The following ZNF106 variants were observed in gnomAD, a reference collection of about 807,000 sequenced individuals.
ZNF106 encodes the protein SH3-domain binding protein 3.
A neutral mutation model predicts 195.1 loss-of-function variants in ZNF106; 67 were observed. The observed-to-expected ratio is 0.34, with a 90% CI of 0.28 to 0.42. The LOEUF is 0.42. ZNF106 is among the 10% of genes least tolerant of loss of function. The pLI is 1.00. For synonymous variants in ZNF106, 784 were observed against 818.6 expected, an observed-to-expected ratio of 0.96 and a Z score of 0.72; for missense variants, 2,118 against 2,304.5, an observed-to-expected ratio of 0.92 and a Z score of 1.66.
chr15:42,435,506 T>C lies in ZNF106; in HGVS notation c.4759A>G (p.Ile1587Val). The C allele has an allele frequency of 6.2e-7, 1 of 1,614,178 alleles. No individual in the cohort carries two copies. The highest frequency in any genetic ancestry group is 1.3e-5 in the African/African-American group (1 of 75,026). ...GAGGTATGACCCTCAAAGACACCAA[T>C]ACATTTCCGACTCTAAAGTTTAAGC... ...RVYNLVSRKC[I>V]GVFEGHTSKV... The change falls in exon 14 of 22, where the codon ATT becomes GTT. Residue 1587 changes from isoleucine (I) to valine (V), a missense_variant. Ile to Val is a conservative substitution (Grantham distance 29, BLOSUM62 3). Transcript: ENST00000564754.
intron 1 of ZNF106, among the ~76,000 whole-genome samples, chr15:42,474,029 C>A (rs2056733194): frequency 6.6e-6 from 1 of 152,126 alleles, no homozygotes; most frequent in South Asian, 2.1e-4. Flanking sequence ...AAACAACAAG[C>A]AGGACCAACT....
At chr15:42,419,639 G>A (rs923871175) in intron 20 of ZNF106, among the ~76,000 whole-genome samples, 1 of 151,954 alleles carries the variant, frequency 6.6e-6, no homozygotes, top group Non-Finnish European at 1.5e-5. Flanking sequence ...ATTCTAATTC[G>A]AACACATGTT....
At chr15:42,429,256 C>A (rs1414887348) in intron 14 of ZNF106, among the ~76,000 whole-genome samples, 2 of 151,110 alleles carry the variant, frequency 1.3e-5, no homozygotes, top group South Asian at 2.1e-4. Context: ...CTGGCTAACA[C>A]GGTGAAACCC....
chr15:42,486,299 A>G (rs1595502905), intron 1 of ZNF106, among the ~76,000 whole-genome samples: 1 of 149,014 alleles, frequency 6.7e-6, no homozygotes, highest in Non-Finnish European at 1.5e-5. Flanking sequence ...TTGTTCTATC[A>G]CCTGGGGTAG....
At chr15:42,472,419 T>C in intron 1 of ZNF106, 98 bp from the exon 2 acceptor site, 1 of 784,412 alleles carries the variant, frequency 1.3e-6, no homozygotes, top group Non-Finnish European at 2.0e-6. Context: ...CTTCCTCACC[T>C]CCACCTTGCT....
chr15:42,467,429 C>G (rs1471160123), intron 2 of ZNF106, among the ~76,000 whole-genome samples: 1 of 152,168 alleles, frequency 6.6e-6, no homozygotes, highest in Non-Finnish European at 1.5e-5. Context: ...CTCATTCATT[C>G]ACCAAATATT....
In ZNF106 at chr15:42,451,745, T is replaced by C; in HGVS notation, c.527A>G (p.Asn176Ser). The change falls in exon 5 of 22, where the codon AAT (asparagine) becomes AGT (serine). Residue 176 changes from asparagine (N) to serine (S), a missense_variant. Coordinates refer to ENST00000564754, the MANE Select transcript of ZNF106 (RefSeq NM_001366845.3). The stretch of plus-strand genomic sequence containing the variant: ...GGAACGTCCTCTTGGTCCACCACCA[T>C]TCCTCAAAGAATGTGGAAAGCTGTT... Reference protein sequence around the residue: ...RKNSFPHSLRNGGGPRGRSGW... With the variant: ...RKNSFPHSLRSGGGPRGRSGW... 6.2e-7 allele frequency: 1 copy of C among 1,614,240 alleles called. No homozygotes were observed. The highest frequency in any genetic ancestry group is 8.5e-7 in the Non-Finnish European group (1 of 1,180,044).
chr15:42,449,661 T>C (rs556952899), intron 5 of ZNF106, 110 bp downstream of exon 5: 1 of 1,399,108 alleles, frequency 7.1e-7, no homozygotes, highest in African/African-American at 1.4e-5. Context: ...CAACAGATAT[T>C]GTTGGCAAAC....
At chr15:42,490,175 A>AGC (rs1268626025) in intron 1 of ZNF106, among the ~76,000 whole-genome samples, 1 of 152,086 alleles carries the variant, frequency 6.6e-6, no homozygotes, top group East Asian at 1.9e-4. Context: ...GGTTGCAGTG[A>AGC]GCTAAGATCG....
intron 10 of ZNF106, among the ~76,000 whole-genome samples, chr15:42,440,920 T>TC: frequency 7.2e-6 from 1 of 139,142 alleles, no homozygotes. Flanking sequence ...GAGGCAGAGG[T>TC]TGCCGTGAGC....
rs751868029 is a variant in ZNF106, at chr15:42,451,066, G to A, written c.1206C>T (p.Leu402=). ...CTGTAGTTATCAAGCTAAAATCAAA[G>A]AGAGGTTTCTCTATCATTTCTGACT... is the stretch of plus-strand genomic sequence containing the variant. ...GNKSEMIEKP[L]FDFSLITTGI... The change falls in exon 5 of 22, where the codon CTC becomes CTT. Residue 402 remains leucine, a synonymous_variant. Transcript: ENST00000564754. The A allele has an allele frequency of 2.5e-6, 4 of 1,614,206 alleles. No homozygotes were observed. The East Asian group carries it at 8.9e-5, about 36-fold the overall frequency.
intron 3 of ZNF106, among the ~76,000 whole-genome samples, chr15:42,461,013 A>C (rs1431435394): frequency 6.6e-6 from 1 of 152,206 alleles, no homozygotes; most frequent in Non-Finnish European, 1.5e-5. Flanking sequence ...AAACTTCAAA[A>C]AGTGTGTAGG....
chr15:42,436,949 G>A (rs561222656), intron 13 of ZNF106, among the ~76,000 whole-genome samples: 6 of 152,294 alleles, frequency 3.9e-5, no homozygotes, highest in Non-Finnish European at 5.9e-5. Flanking sequence ...GTGCTGGTGG[G>A]AGGGAAAAAG....
At position 42,448,668 on chromosome 15, in the gene ZNF106, G is replaced by T; in HGVS notation, c.2539C>A (p.Gln847Lys). Residue 847 changes from glutamine to lysine, a missense_variant, in exon 6 of 22, where the codon CAA becomes AAA. Physicochemically the swap from Gln to Lys is moderately conservative, Grantham distance 53. Coordinates refer to ENST00000564754, the MANE Select transcript of ZNF106 (RefSeq NM_001366845.3). Reference protein sequence around the residue: ...IEMVPLVQNEQEALDLDGEPD... With the variant: ...IEMVPLVQNEKEALDLDGEPD... The stretch of plus-strand genomic sequence containing the variant: ...TCCCCATCCAAATCTAAGGCTTCTT[G>T]TTCATTTTGAACAAGGGGTACCATT... 1 of 1,610,478 alleles carries T rather than the reference G, an allele frequency of 6.2e-7. No homozygotes were observed. Among genetic ancestry groups the T allele is most frequent in the Non-Finnish European group, 8.5e-7 (1 of 1,179,676 alleles).
In ZNF106 at chr15:42,417,322, G is replaced by C; in HGVS notation, c.5703C>G (p.Asp1901Glu). 2 of 1,614,046 alleles carry C rather than the reference G, an allele frequency of 1.2e-6. No homozygotes were observed. Among genetic ancestry groups the C allele is most frequent in the Non-Finnish European group, 1.7e-6 (2 of 1,179,974 alleles). The change falls in exon 22 of 22, where the codon GAC becomes GAG. Residue 1901 changes from aspartate (D) to glutamate (E), a missense_variant. By Grantham distance (45) the Asp-to-Glu change is conservative. Transcript: ENST00000564754. ...AAAAACTTCATGAATCAATTTTGCT[G>C]TCATCTTCAGCATGTCGTTCAATAT... ...AGHIERHAEDDSKIDS is the reference protein window; with the variant it reads ...AGHIERHAEDESKIDS
chr15:42,456,112 A>G (rs933827370), intron 4 of ZNF106, among the ~76,000 whole-genome samples: 1 of 152,222 alleles, frequency 6.6e-6, no homozygotes, highest in African/African-American at 2.4e-5. Context: ...GTCACTGGGG[A>G]TTCAAAGACA....
intron 14 of ZNF106, among the ~76,000 whole-genome samples, chr15:42,428,585 T>G (rs1301911661): frequency 6.6e-6 from 1 of 152,212 alleles, no homozygotes; most frequent in Non-Finnish European, 1.5e-5. Context: ...TCCTTCAAAC[T>G]GGTGCCAGGT....
intron 1 of ZNF106, among the ~76,000 whole-genome samples, chr15:42,473,750 C>A (rs185033305): frequency 6.6e-6 from 1 of 152,268 alleles, no homozygotes; most frequent in Non-Finnish European, 1.5e-5. Context: ...ATATCTGCTA[C>A]CCCATGTGCT....
chr15:42,462,451 T>C (rs62022314), intron 3 of ZNF106, among the ~76,000 whole-genome samples: 17,083 of 151,922 alleles, frequency 0.11, 1,110 homozygotes, highest in Non-Finnish European at 0.15. Context: ...GAGAAAAAAT[T>C]AGCCGGCATG....
Sources: allele counts gnomAD v4.1 joint callset (sites outside exome capture counted in the v4.1 genomes callset), GRCh38; gene constraint gnomAD v4.1.1; transcripts MANE v1.5; gene names NCBI Gene and HGNC (gene_info 2026-07-23, HGNC 2026-07-21).